Variants in CSMD1 observed in about 807,000 individuals in gnomAD.
The protein encoded by CSMD1 is CUB and sushi domain-containing protein 1.
Under a neutral mutation model 417.5 loss-of-function variants are expected in CSMD1, and 213 were observed. The ratio of observed to expected loss-of-function variants is 0.51; its 90% confidence interval spans 0.46 to 0.57. CSMD1 has a LOEUF of 0.57. CSMD1 is among the 20% of genes least tolerant of loss of function. The pLI is 0.00. For synonymous variants in CSMD1, 2,862 were observed against 1,736.8 expected, an observed-to-expected ratio of 1.65 and a Z score of -16.11; for missense variants, 6,923 against 4,529.7, an observed-to-expected ratio of 1.53 and a Z score of -15.17.
At chr8:4,239,350 G>A (rs999547008) in intron 3 of CSMD1, among the ~76,000 whole-genome samples, 1 of 152,180 alleles carries the variant, frequency 6.6e-6, no homozygotes, top group African/African-American at 2.4e-5. Flanking sequence ...CAACCTTGGT[G>A]GAACTGCCAA....
At chr8:4,145,646 C>T (rs1485179919) in intron 3 of CSMD1, among the ~76,000 whole-genome samples, 2 of 150,844 alleles carry the variant, frequency 1.3e-5, no homozygotes, top group East Asian at 3.9e-4. Context: ...CACTTGGCCT[C>T]TCAAAGTGCT....
At chr8:2,981,902 G>A (rs1025555937) in intron 54 of CSMD1, among the ~76,000 whole-genome samples, 3 of 152,174 alleles carry the variant, frequency 2.0e-5, no homozygotes, top group Admixed American at 6.5e-5. Context: ...TTGGTGACAG[G>A]AATCCCAGTT....
intron 2 of CSMD1, among the ~76,000 whole-genome samples, chr8:4,467,084 T>G (rs985248973): frequency 6.9e-6 from 1 of 144,210 alleles, no homozygotes; most frequent in Non-Finnish European, 1.5e-5. Context: ...TGATTTCTTT[T>G]CAAATTTCAA....
At chr8:4,669,909 G>T (rs945421646) in intron 1 of CSMD1, among the ~76,000 whole-genome samples, 1 of 152,166 alleles carries the variant, frequency 6.6e-6, no homozygotes, top group Non-Finnish European at 1.5e-5. Flanking sequence ...CAGAGCCCCA[G>T]TGTGCTATAC....
chr8:4,662,919 G>A (rs1472050100), intron 1 of CSMD1, among the ~76,000 whole-genome samples: 1 of 152,126 alleles, frequency 6.6e-6, no homozygotes, highest in Non-Finnish European at 1.5e-5. Flanking sequence ...AAGAGAGAAA[G>A]AAAAAGGAAA....
At chr8:3,624,803 A>G (rs1006983212) in intron 7 of CSMD1, among the ~76,000 whole-genome samples, 1 of 152,178 alleles carries the variant, frequency 6.6e-6, no homozygotes, top group Non-Finnish European at 1.5e-5. Context: ...TTTTTACTTC[A>G]GCATTTTGTA....
At chr8:4,550,899 G>T (rs574469020) in intron 2 of CSMD1, among the ~76,000 whole-genome samples, 1 of 152,044 alleles carries the variant, frequency 6.6e-6, no homozygotes, top group Non-Finnish European at 1.5e-5. Flanking sequence ...ACTAGAAAAC[G>T]GAGACCCAGG....
At chr8:3,747,532 G>A (rs1352779933) in intron 6 of CSMD1, among the ~76,000 whole-genome samples, 1 of 151,362 alleles carries the variant, frequency 6.6e-6, no homozygotes, top group African/African-American at 2.4e-5. Context: ...GTATGTGAGA[G>A]TCATCCATGT....
intron 2 of CSMD1, among the ~76,000 whole-genome samples, chr8:4,467,986 T>C (rs1193388206): frequency 3.9e-5 from 6 of 152,196 alleles, no homozygotes; most frequent in Admixed American, 6.5e-5. Flanking sequence ...AAGGACCCTG[T>C]CCTAAGCTGT....
chr8:4,941,762 C>A (rs987499984), intron 1 of CSMD1, among the ~76,000 whole-genome samples: 1 of 152,090 alleles, frequency 6.6e-6, no homozygotes, highest in Non-Finnish European at 1.5e-5. Context: ...TTATGCCCGA[C>A]TGATTTTCAA....
chr8:3,687,469 A>G (rs1799998569), intron 7 of CSMD1, among the ~76,000 whole-genome samples: 1 of 152,224 alleles, frequency 6.6e-6, no homozygotes, highest in African/African-American at 2.4e-5. Context: ...TGAGAAAGCA[A>G]TAAAACAGTA....
chr8:3,971,771 T>C (rs781295375), intron 5 of CSMD1, among the ~76,000 whole-genome samples: 16 of 152,198 alleles, frequency 1.1e-4, no homozygotes, highest in Admixed American at 4.6e-4. Flanking sequence ...GTAAAAGGAA[T>C]TACCAGTGTA....
intron 4 of CSMD1, among the ~76,000 whole-genome samples, chr8:4,018,817 G>T (rs982691093): frequency 6.6e-6 from 1 of 152,170 alleles, no homozygotes; most frequent in African/African-American, 2.4e-5. Flanking sequence ...CCCACATACA[G>T]CGTGGGACCT....
intron 26 of CSMD1, among the ~76,000 whole-genome samples, chr8:3,260,949 A>G (rs1030367617): frequency 6.6e-6 from 1 of 152,200 alleles, no homozygotes; most frequent in South Asian, 2.1e-4. Context: ...AAGACTGAAG[A>G]GTAAAGAAAA....
At chr8:4,780,034 C>T (rs1162657257) in intron 1 of CSMD1, among the ~76,000 whole-genome samples, 1 of 151,988 alleles carries the variant, frequency 6.6e-6, no homozygotes, top group Non-Finnish European at 1.5e-5. Context: ...AGCAACAAGC[C>T]ATTCAATTCT....
At chr8:3,747,451 A>G (rs1443294764) in intron 6 of CSMD1, among the ~76,000 whole-genome samples, 1 of 152,108 alleles carries the variant, frequency 6.6e-6, no homozygotes, top group Admixed American at 6.6e-5. Context: ...ATGCGAACAC[A>G]TAGCTTTGCA....
intron 6 of CSMD1, among the ~76,000 whole-genome samples, chr8:3,747,575 A>T (rs953442603): frequency 6.6e-6 from 1 of 151,136 alleles, no homozygotes; most frequent in Admixed American, 6.6e-5. Context: ...TCTCTTTCCA[A>T]GTTTGTTTAT....
intron 3 of CSMD1, among the ~76,000 whole-genome samples, chr8:4,108,131 G>C (rs1336747960): frequency 6.6e-6 from 1 of 151,928 alleles, no homozygotes; most frequent in African/African-American, 2.4e-5. Flanking sequence ...GAGGAGGGTA[G>C]GGAAGGGGAG....
chr8:3,479,686 A>C (rs966515416), intron 11 of CSMD1, among the ~76,000 whole-genome samples: 29 of 152,328 alleles, frequency 1.9e-4, no homozygotes, highest in African/African-American at 6.5e-4. Flanking sequence ...AGCAATACCT[A>C]ACATGACACA....
Sources: allele counts gnomAD v4.1 joint callset (sites outside exome capture counted in the v4.1 genomes callset), GRCh38; gene constraint gnomAD v4.1.1; transcripts MANE v1.5; gene names NCBI Gene and HGNC (gene_info 2026-07-23, HGNC 2026-07-21).